The following SHISA9 variants were observed in gnomAD, a reference collection of about 807,000 sequenced individuals.
SHISA9 encodes shisa family member 9.
In SHISA9, 13 loss-of-function variants were observed where a neutral mutation model predicts 38.0. The observed-to-expected ratio is 0.34, with a 90% CI of 0.22 to 0.54. SHISA9 has a LOEUF of 0.54. SHISA9 is among the 20% of genes least tolerant of loss of function. The probability of loss-of-function intolerance (pLI) is 0.91; values close to 1 mark genes in which losing one functional copy is unlikely to be tolerated. For missense variants in SHISA9, 538 were observed against 575.8 expected, an observed-to-expected ratio of 0.93 and a Z score of 0.67; for synonymous variants, 275 against 242.0, an observed-to-expected ratio of 1.14 and a Z score of -1.27.
intron 2 of SHISA9, among the ~76,000 whole-genome samples, chr16:13,080,855 G>A (rs531677474): frequency 6.6e-6 from 1 of 152,228 alleles, no homozygotes; most frequent in East Asian, 1.9e-4. Context: ...AGACTGGGAA[G>A]TCGAAGGACG....
intron 2 of SHISA9, among the ~76,000 whole-genome samples, chr16:13,025,810 A>T (rs1432382368): frequency 6.6e-6 from 1 of 151,476 alleles, no homozygotes; most frequent in Non-Finnish European, 1.5e-5. Flanking sequence ...TCTTAACAAC[A>T]TTTTTTTTGG....
At chr16:13,042,386 A>G (rs2073142364) in intron 2 of SHISA9, among the ~76,000 whole-genome samples, 1 of 152,290 alleles carries the variant, frequency 6.6e-6, no homozygotes, top group South Asian at 2.1e-4. Context: ...CTTGGCTGCA[A>G]TGAATGGAAA....
chr16:13,079,850 G>C (rs1425631928), intron 2 of SHISA9, among the ~76,000 whole-genome samples: 1 of 152,124 alleles, frequency 6.6e-6, no homozygotes, highest in African/African-American at 2.4e-5. Context: ...AGTGTGAAAT[G>C]ATTGTTTTTT....
At chr16:13,496,277 A>T in the SHISA9 span, among the ~76,000 whole-genome samples, 1 of 152,164 alleles carries the variant, frequency 6.6e-6, no homozygotes, top group Non-Finnish European at 1.5e-5. Flanking sequence ...AAAGATTATG[A>T]CCTAAGCATC....
At chr16:13,423,928 C>G in the SHISA9 span, among the ~76,000 whole-genome samples, 1 of 152,206 alleles carries the variant, frequency 6.6e-6, no homozygotes, top group South Asian at 2.1e-4. Flanking sequence ...GCATTGAGTT[C>G]TCTTCATTCT....
chr16:13,231,623 A>G (rs908292808), intron 4 of SHISA9, among the ~76,000 whole-genome samples: 4 of 152,160 alleles, frequency 2.6e-5, no homozygotes, highest in Admixed American at 2.6e-4. Flanking sequence ...AGTCGGAGCT[A>G]TTTGCATTAC....
At chr16:13,047,996 C>T (rs976866798) in intron 2 of SHISA9, among the ~76,000 whole-genome samples, 5 of 152,168 alleles carry the variant, frequency 3.3e-5, no homozygotes, top group African/African-American at 1.2e-4. Context: ...CTCCAAGACT[C>T]ATTGTTAATT....
chr16:13,019,607 G>T (rs952470800), intron 2 of SHISA9, among the ~76,000 whole-genome samples: 1 of 151,700 alleles, frequency 6.6e-6, no homozygotes, highest in African/African-American at 2.4e-5. Context: ...TTCATTTCCC[G>T]GTCTTTTTTT....
At chr16:13,495,111 TATG>T in the SHISA9 span, among the ~76,000 whole-genome samples, 1 of 152,206 alleles carries the variant, frequency 6.6e-6, no homozygotes, top group African/African-American at 2.4e-5. Flanking sequence ...GGGGTACCTT[TATG>T]ATGATGACAT....
the SHISA9 span, among the ~76,000 whole-genome samples, chr16:13,486,084 C>G: frequency 1.3e-5 from 2 of 152,200 alleles, no homozygotes; most frequent in African/African-American, 4.8e-5. Flanking sequence ...ATGTTAGAAA[C>G]AGGGGACCCC....
chr16:13,328,661 CG>C, the SHISA9 span, among the ~76,000 whole-genome samples: 5 of 151,186 alleles, frequency 3.3e-5, no homozygotes, highest in African/African-American at 1.2e-4. Flanking sequence ...TTATCAGAGA[CG>C]TGATTTTGCC....
rs376044033 is a variant in SHISA9, at chr16:12,995,498, A to G, written c.691+78683A>G. Among the ~76,000 whole-genome samples, 20 of 152,318 alleles carry G rather than the reference A, an allele frequency of 1.3e-4. No homozygotes were observed. In the East Asian group the frequency reaches 3.5e-3, roughly 27 times the overall value. The stretch of plus-strand genomic sequence containing the variant: ...CTTGGTGATTCAATGGTGGGGTTCT[A>G]TAGACCACACTTTGAGAGACATGGG... On this transcript the variant is annotated intron_variant, in intron 2 of 4. Transcript: ENST00000558583.
At chr16:13,483,241 G>A in the SHISA9 span, among the ~76,000 whole-genome samples, 2 of 152,072 alleles carry the variant, frequency 1.3e-5, no homozygotes, top group South Asian at 2.1e-4. Context: ...ATGTATGTTG[G>A]GCACCATGAA....
intron 2 of SHISA9, among the ~76,000 whole-genome samples, chr16:12,949,977 C>A (rs1345847192): frequency 6.6e-6 from 1 of 152,152 alleles, no homozygotes; most frequent in Non-Finnish European, 1.5e-5. Flanking sequence ...TTCTATCTAG[C>A]TGCAGTTTTG....
At chr16:13,104,770 A>G (rs939400981) in intron 2 of SHISA9, among the ~76,000 whole-genome samples, 1 of 152,168 alleles carries the variant, frequency 6.6e-6, no homozygotes, top group African/African-American at 2.4e-5. Flanking sequence ...AAACTGGAGG[A>G]TAATCGAAAT....
the SHISA9 span, among the ~76,000 whole-genome samples, chr16:13,367,712 G>GTGCGCACA: frequency 9.6e-6 from 1 of 104,640 alleles, no homozygotes; most frequent in Non-Finnish European, 2.0e-5. Context: ...GCGCGCGCGC[G>GTGCGCACA]CACACACACA....
chr16:12,916,580 C>T, intron 1 of SHISA9, 108 bp from the exon 2 acceptor site: 1 of 1,309,382 alleles, frequency 7.6e-7, no homozygotes, highest in Non-Finnish European at 1.0e-6. Context: ...ATGGTGGCTC[C>T]ATGGAGTAAT....
chr16:13,071,047 T>C (rs4781394), intron 2 of SHISA9, among the ~76,000 whole-genome samples: 13,960 of 152,220 alleles, frequency 0.092, 937 homozygotes, highest in African/African-American at 0.17. Flanking sequence ...GGAACTAACA[T>C]GTTCCACCTG....
the SHISA9 span, among the ~76,000 whole-genome samples, chr16:13,457,803 G>A: frequency 0.038 from 5,711 of 151,962 alleles, 224 homozygotes; most frequent in East Asian, 0.21. Context: ...GGTAATTTAC[G>A]TGAGAAACAA....
Sources: gnomAD v4.1 joint callset for allele counts (sites outside exome capture counted in the v4.1 genomes callset) on GRCh38, gnomAD v4.1.1 for gene constraint, MANE v1.5 for transcripts, NCBI Gene and HGNC (gene_info 2026-07-23, HGNC 2026-07-21) for gene names.